SETBP1: variants seen among roughly 807,000 people sequenced by gnomAD.
The protein encoded by SETBP1 is SET binding protein 1.
In SETBP1, 9 loss-of-function variants were observed where a neutral mutation model predicts 101.0. The observed-to-expected ratio is 0.09, with a 90% CI of 0.05 to 0.16. The LOEUF is 0.16. Ranked by LOEUF, SETBP1 falls within the 10% of genes least tolerant of loss-of-function variation. SETBP1 has a pLI of 1.00. For synonymous variants in SETBP1, 818 were observed against 788.5 expected, an observed-to-expected ratio of 1.04 and a Z score of -0.63; for missense variants, 1,858 against 2,033.8, an observed-to-expected ratio of 0.91 and a Z score of 1.66.
chr18:44,923,529 C>A (rs2070628790), intron 3 of SETBP1, among the ~76,000 whole-genome samples: 1 of 152,154 alleles, frequency 6.6e-6, no homozygotes, highest in Non-Finnish European at 1.5e-5. Flanking sequence ...TGTCCTATGC[C>A]AGCCATGTTC....
In SETBP1 at chr18:44,919,082, G is replaced by A. The variant is rs182821813; in HGVS notation, c.541-30799G>A. 8.3e-4 allele frequency among the ~76,000 whole-genome samples: 126 copies of A among 152,276 alleles called. 1 individual carries two copies. The highest frequency in any genetic ancestry group is 3.4e-3 in the Middle Eastern group (1 of 294). On this transcript the variant is annotated intron_variant, in intron 3 of 5. Transcript: ENST00000649279. ...TCCTGTACTAGACCTTGAGCTCCAC[G>A]AAAGCATAGCCATGTCCATTCCATT...
At chr18:44,934,990 C>T (rs2070926585) in intron 3 of SETBP1, among the ~76,000 whole-genome samples, 1 of 152,192 alleles carries the variant, frequency 6.6e-6, no homozygotes, top group South Asian at 2.1e-4. Flanking sequence ...ACCCACATGA[C>T]CACTGCACCT....
At chr18:44,830,029 G>A (rs1327460190) in intron 2 of SETBP1, among the ~76,000 whole-genome samples, 1 of 152,164 alleles carries the variant, frequency 6.6e-6, no homozygotes, top group African/African-American at 2.4e-5. Context: ...GGTTTACACA[G>A]AGGCACTCAT....
intron 4 of SETBP1, among the ~76,000 whole-genome samples, chr18:44,967,633 T>C (rs770031948): frequency 6.6e-6 from 1 of 152,128 alleles, no homozygotes; most frequent in African/African-American, 2.4e-5. Context: ...ACCTCAGAGG[T>C]CAATCTAATT....
chr18:44,801,703 A>T (rs2071611189), intron 2 of SETBP1, among the ~76,000 whole-genome samples: 1 of 151,778 alleles, frequency 6.6e-6, no homozygotes, highest in African/African-American at 2.4e-5. Context: ...CAAATATTAC[A>T]CTTGTTTATT....
intron 2 of SETBP1, among the ~76,000 whole-genome samples, chr18:44,862,836 G>A (rs1568186859): frequency 6.6e-6 from 1 of 152,220 alleles, no homozygotes; most frequent in African/African-American, 2.4e-5. Flanking sequence ...CAGCCTTGGG[G>A]TGAGAGGGAT....
intron 2 of SETBP1, among the ~76,000 whole-genome samples, chr18:44,703,795 A>G (rs1050248229): frequency 2.0e-5 from 3 of 152,214 alleles, no homozygotes; most frequent in Admixed American, 2.0e-4. Context: ...TAATCTCCAC[A>G]CATACAGAAA....
chr18:44,762,959 G>A (rs2070690160), intron 2 of SETBP1, among the ~76,000 whole-genome samples: 1 of 152,246 alleles, frequency 6.6e-6, no homozygotes, highest in Non-Finnish European at 1.5e-5. Flanking sequence ...ATAAAGACTT[G>A]GTAAAGATTT....
chr18:44,925,103 ATT>A (rs759704941), intron 3 of SETBP1, among the ~76,000 whole-genome samples: 11 of 86,142 alleles, frequency 1.3e-4, no homozygotes, highest in Non-Finnish European at 1.1e-4. Context: ...TTCTGCCTGG[ATT>A]TTTTTTTTTT....
chr18:44,702,525 A>ATT (rs759290010), intron 2 of SETBP1, among the ~76,000 whole-genome samples: 8 of 152,250 alleles, frequency 5.3e-5, no homozygotes, highest in Non-Finnish European at 1.2e-4. Flanking sequence ...TGTTTATTGT[A>ATT]TAACAGCCAA....
rs548546446 is a variant in SETBP1, at chr18:45,004,572, A to G, written c.4001-33913A>G. 9.8e-5 allele frequency among the ~76,000 whole-genome samples: 15 copies of G among 152,364 alleles called. No individual in the cohort carries two copies. In the South Asian group the frequency reaches 3.1e-3, roughly 32 times the overall value. On this transcript the variant is annotated intron_variant, in intron 4 of 5. Coordinates refer to ENST00000649279, the MANE Select transcript of SETBP1 (RefSeq NM_015559.3). The stretch of plus-strand genomic sequence containing the variant: ...ATGTGGGTAACTCTTCAGGTAAATG[A>G]AAAAGAAACAGGGTTAGGACCAGGT...
At chr18:44,907,319 T>C (rs915374701) in intron 3 of SETBP1, among the ~76,000 whole-genome samples, 2 of 152,236 alleles carry the variant, frequency 1.3e-5, no homozygotes, top group Non-Finnish European at 2.9e-5. Context: ...TGAACATTTA[T>C]GTAGAAGTTT....
At position 45,066,833 on chromosome 18, in the gene SETBP1, G is replaced by A. The variant is rs1471781859; in HGVS notation, c.*3135G>A. On this transcript the variant is annotated 3_prime_UTR_variant, in exon 6 of 6. Transcript: ENST00000649279. ...AAGCAGATGCAGACCCACTTGTAAG[G>A]AGTCTGGTTAGTGATGAGAAAAGGA... The A allele has an allele frequency of 1.3e-5, 2 of 152,070 alleles. No homozygotes were observed. Among genetic ancestry groups the A allele is most frequent in the Non-Finnish European group, 2.9e-5 (2 of 68,012 alleles). The allele number at this position is 152,070 out of a possible 1,614,324, so 9.4% of individuals were successfully genotyped here.
chr18:44,782,429 A>G (rs563685792), intron 2 of SETBP1, among the ~76,000 whole-genome samples: 10 of 152,302 alleles, frequency 6.6e-5, no homozygotes, highest in African/African-American at 2.4e-4. Context: ...AAAAGAGCTC[A>G]CAACTTTCTT....
At chr18:45,021,735 T>C (rs1401901014) in intron 4 of SETBP1, among the ~76,000 whole-genome samples, 17 of 152,290 alleles carry the variant, frequency 1.1e-4, no homozygotes, top group Non-Finnish European at 1.5e-5. Context: ...AACATAACTC[T>C]CTCTAAGCCC....
chr18:44,990,854 G>C (rs1445273487), intron 4 of SETBP1, among the ~76,000 whole-genome samples: 1 of 149,542 alleles, frequency 6.7e-6, no homozygotes, highest in Non-Finnish European at 1.5e-5. Flanking sequence ...ATTAAATTTG[G>C]GTTCTATAAT....
At chr18:45,045,901 T>C (rs1433065547) in intron 5 of SETBP1, among the ~76,000 whole-genome samples, 2 of 152,088 alleles carry the variant, frequency 1.3e-5, no homozygotes, top group Admixed American at 6.5e-5. Flanking sequence ...TTTTATCTTT[T>C]TCCCCCTTGC....
At position 44,753,506 on chromosome 18, in the gene SETBP1, A is replaced by G. The variant is rs114995629; in HGVS notation, c.486+51674A>G. On this transcript the variant is annotated intron_variant, in intron 2 of 5. Transcript: ENST00000649279. ...ATTAGAAGTAGTGCTACCTAAACAA[A>G]TAATAGAAATACACCATTATGGAGC... Among the ~76,000 whole-genome samples the G allele has an allele frequency of 4.2e-3, 647 of 152,344 alleles. 2 individuals carry two copies. Among genetic ancestry groups the G allele is most frequent in the African/African-American group, 0.015 (618 of 41,572 alleles).
At chr18:45,015,344 C>T (rs2072920146) in intron 4 of SETBP1, among the ~76,000 whole-genome samples, 1 of 152,260 alleles carries the variant, frequency 6.6e-6, no homozygotes, top group Non-Finnish European at 1.5e-5. Context: ...CCTGCCCCCT[C>T]TGCCAGATCT....
Sources: gnomAD v4.1 joint callset for allele counts (sites outside exome capture counted in the v4.1 genomes callset) on GRCh38, gnomAD v4.1.1 for gene constraint, MANE v1.5 for transcripts, NCBI Gene and HGNC (gene_info 2026-07-23, HGNC 2026-07-21) for gene names.